The following ANGPT1 variants were observed in gnomAD, a reference collection of about 807,000 sequenced individuals.
ANGPT1 encodes the protein angiopoietin 1, also known as angiopoietin-1.
ANGPT1 carries 17 observed loss-of-function variants against 62.2 expected under a neutral mutation model. The ratio of observed to expected loss-of-function variants is 0.27; its 90% CI spans 0.19 to 0.41. The LOEUF (loss-of-function observed/expected upper bound fraction) is 0.41. Ranked by LOEUF, ANGPT1 falls within the 10% of genes least tolerant of loss-of-function variation. The pLI, the probability that ANGPT1 is intolerant of heterozygous loss-of-function variation, is 1.00. For missense variants in ANGPT1, 478 were observed against 594.9 expected (o/e 0.80, Z 2.04); for synonymous variants, 199 against 198.9 (o/e 1.00, Z 0.00).
intron 1 of ANGPT1, among the ~76,000 whole-genome samples, chr8:107,453,512 C>G (rs572090142): frequency 5.3e-5 from 8 of 152,064 alleles, no homozygotes; most frequent in Admixed American, 5.3e-4. Flanking sequence ...ACCATCTGAT[C>G]TCGTGAGCCT....
At chr8:107,455,696 G>T (rs890197795) in intron 1 of ANGPT1, among the ~76,000 whole-genome samples, 3 of 152,022 alleles carry the variant, frequency 2.0e-5, no homozygotes, top group African/African-American at 7.2e-5. Flanking sequence ...TGTGGGTAAT[G>T]CTTGTGATTT....
chr8:107,381,539 C>G (rs756398443), intron 1 of ANGPT1, among the ~76,000 whole-genome samples: 1 of 152,128 alleles, frequency 6.6e-6, no homozygotes, highest in Non-Finnish European at 1.5e-5. Flanking sequence ...AGTGTGAGGG[C>G]AGCCCTGAAG....
chr8:107,343,514 C>G (rs936148659), intron 2 of ANGPT1, among the ~76,000 whole-genome samples: 3 of 152,144 alleles, frequency 2.0e-5, no homozygotes, highest in African/African-American at 7.2e-5. Flanking sequence ...AAATTGTGGT[C>G]TCTGGACCAA....
At chr8:107,391,266 A>G (rs1444339642) in intron 1 of ANGPT1, among the ~76,000 whole-genome samples, 1 of 152,162 alleles carries the variant, frequency 6.6e-6, no homozygotes, top group East Asian at 1.9e-4. Flanking sequence ...AAAATGTGAC[A>G]GTCATTTTTT....
chr8:107,287,052 A>C (rs1312905804), intron 6 of ANGPT1, among the ~76,000 whole-genome samples: 1 of 152,154 alleles, frequency 6.6e-6, no homozygotes, highest in Non-Finnish European at 1.5e-5. Flanking sequence ...TTTGCAGCTC[A>C]GACATGTCAA....
At chr8:107,368,982 C>G (rs1563589856) in intron 1 of ANGPT1, among the ~76,000 whole-genome samples, 1 of 115,424 alleles carries the variant, frequency 8.7e-6, no homozygotes, top group Non-Finnish European at 1.9e-5. Context: ...CGTTATCCCC[C>G]TTACAAGAGA....
rs147434564 is a variant in ANGPT1 at position 107,350,663 on chromosome 8, A to C, written c.298-3566T>G. 4.1e-3 allele frequency among the ~76,000 whole-genome samples: 624 copies of C among 152,290 alleles called. 2 individuals carry two copies. The highest frequency in any genetic ancestry group is 0.014 in the African/African-American group (586 of 41,570). ...CCAACCTACACTAAAATGCTCATTT[A>C]GGCTGCTATGATGAGTAGCATGAAT... On this transcript the variant is annotated intron_variant, in intron 1 of 8. Transcript: ENST00000517746.
chr8:107,306,030 C>T (rs538325655), intron 4 of ANGPT1, among the ~76,000 whole-genome samples: 1 of 151,874 alleles, frequency 6.6e-6, no homozygotes, highest in South Asian at 2.1e-4. Flanking sequence ...GTTATAAATA[C>T]CTCTGAGATG....
At chr8:107,280,869 G>A (rs185546208) in intron 7 of ANGPT1, among the ~76,000 whole-genome samples, 1 of 152,224 alleles carries the variant, frequency 6.6e-6, no homozygotes, top group Admixed American at 6.5e-5. Flanking sequence ...AGATATATAT[G>A]AGAGTATGAA....
intron 1 of ANGPT1, among the ~76,000 whole-genome samples, chr8:107,364,602 G>T (rs1816234948): frequency 6.6e-6 from 1 of 152,126 alleles, no homozygotes; most frequent in Admixed American, 6.6e-5. Context: ...ATTAGCTGTT[G>T]ATTGTCTTCT....
chr8:107,289,162 C>T (rs922318274), intron 6 of ANGPT1, among the ~76,000 whole-genome samples: 3 of 152,058 alleles, frequency 2.0e-5, no homozygotes, highest in East Asian at 1.9e-4. Flanking sequence ...TCTTCTCTAA[C>T]GCTCTAATAA....
intron 8 of ANGPT1, among the ~76,000 whole-genome samples, chr8:107,257,261 T>C (rs780645974): frequency 2.0e-5 from 3 of 152,242 alleles, no homozygotes; most frequent in Non-Finnish European, 4.4e-5. Flanking sequence ...CTGAGATTCA[T>C]GTTTCCAATT....
intron 1 of ANGPT1, among the ~76,000 whole-genome samples, chr8:107,424,558 G>T (rs1221819395): frequency 2.0e-5 from 3 of 152,156 alleles, no homozygotes; most frequent in Non-Finnish European, 4.4e-5. Context: ...AAAATTGAAT[G>T]TGATGGCCAT....
At chr8:107,313,826 T>C (rs1814943811) in intron 4 of ANGPT1, among the ~76,000 whole-genome samples, 1 of 152,218 alleles carries the variant, frequency 6.6e-6, no homozygotes, top group African/African-American at 2.4e-5. Flanking sequence ...TATACACATT[T>C]AAAGCTAAGT....
At chr8:107,351,263 G>A (rs1815926065) in intron 1 of ANGPT1, among the ~76,000 whole-genome samples, 1 of 152,236 alleles carries the variant, frequency 6.6e-6, no homozygotes, top group Non-Finnish European at 1.5e-5. Context: ...AGTTGCATTT[G>A]TTAAGTGATT....
At chr8:107,288,172 G>A (rs1814189028) in intron 6 of ANGPT1, among the ~76,000 whole-genome samples, 1 of 151,898 alleles carries the variant, frequency 6.6e-6, no homozygotes, top group Non-Finnish European at 1.5e-5. Context: ...ATTGAGAGTT[G>A]GTTTATACAA....
intron 8 of ANGPT1, among the ~76,000 whole-genome samples, chr8:107,256,938 C>A (rs888814194): frequency 6.6e-6 from 1 of 152,026 alleles, no homozygotes; most frequent in Non-Finnish European, 1.5e-5. Context: ...CTCACCGCAA[C>A]CTCCGCCTCT....
intron 1 of ANGPT1, among the ~76,000 whole-genome samples, chr8:107,361,223 A>G (rs1816154630): frequency 6.6e-6 from 1 of 151,988 alleles, no homozygotes; most frequent in Admixed American, 6.6e-5. Flanking sequence ...AAAGTTTACT[A>G]ACAAAATCCA....
intron 1 of ANGPT1, among the ~76,000 whole-genome samples, chr8:107,423,278 A>G (rs1810941084): frequency 6.6e-6 from 1 of 152,216 alleles, no homozygotes; most frequent in South Asian, 2.1e-4. Context: ...ATAAAGCGTC[A>G]ATAATGAATA....
Sources: gnomAD v4.1 joint callset for allele counts (sites outside exome capture counted in the v4.1 genomes callset) on GRCh38, gnomAD v4.1.1 for gene constraint, MANE v1.5 for transcripts, NCBI Gene and HGNC (gene_info 2026-07-23, HGNC 2026-07-21) for gene names.